Variants in ANKHD1 observed in about 807,000 individuals in gnomAD.
The protein encoded by ANKHD1 is ankyrin repeat and KH domain containing 1.
Under a neutral mutation model 230.5 loss-of-function variants are expected in ANKHD1, and 31 were observed. The ratio of observed to expected loss-of-function variants is 0.13; its 90% CI spans 0.10 to 0.18. The LOEUF (loss-of-function observed/expected upper bound fraction) is 0.18, where lower values mean the gene tolerates loss of function less well. Ranked by LOEUF, ANKHD1 falls within the 10% of genes least tolerant of loss-of-function variation. The pLI is 1.00. For synonymous variants in ANKHD1, 1,074 were observed against 1,117.6 expected (o/e 0.96, Z 0.78); for missense variants, 2,256 against 3,071.3 (o/e 0.73, Z 6.27).
At chr5:140,455,495 A>T (rs1253179986) in intron 7 of ANKHD1, among the ~76,000 whole-genome samples, 1 of 152,230 alleles carries the variant, frequency 6.6e-6, no homozygotes, top group Non-Finnish European at 1.5e-5. Context: ...ATCCAGCAGC[A>T]CATCAAAAAG....
chr5:140,523,716 A>T (rs1447253334), intron 24 of ANKHD1, among the ~76,000 whole-genome samples: 1 of 151,950 alleles, frequency 6.6e-6, no homozygotes, highest in Non-Finnish European at 1.5e-5. Context: ...CCGTGCCACC[A>T]CACCCAGTTA....
In ANKHD1 at chr5:140,485,917, T is replaced by G; in HGVS notation, c.2142+185T>G. 1.1e-6 allele frequency: 1 copy of G among 878,866 alleles called. No homozygotes were observed. The highest frequency in any genetic ancestry group is 1.7e-5 in the African/African-American group (1 of 58,230). The allele number at this position is 878,866 out of a possible 1,614,324, so 54.4% of individuals were successfully genotyped here. On this transcript the variant is annotated intron_variant, in intron 13 of 33. Transcript: ENST00000360839. The surrounding 1 kb of genome is among the most constrained non-coding windows in gnomAD (Gnocchi z 4.8). Reference sequence around the variant, plus strand: ...AGGTACACTGAAATTTGTTATTGCCTTATTTATTGAGAATAGTGGTTTTTA... The same window carrying G: ...AGGTACACTGAAATTTGTTATTGCCGTATTTATTGAGAATAGTGGTTTTTA...
chr5:140,495,629 T>G (rs1752000957), intron 14 of ANKHD1, among the ~76,000 whole-genome samples: 1 of 152,188 alleles, frequency 6.6e-6, no homozygotes, highest in South Asian at 2.1e-4. Flanking sequence ...CTTCATTTCA[T>G]GTCCAGATGT....
chr5:140,418,144 CTT>C (rs147753786), intron 1 of ANKHD1, among the ~76,000 whole-genome samples: 12 of 126,392 alleles, frequency 9.5e-5, no homozygotes, highest in Admixed American at 1.6e-4. Flanking sequence ...GTCCAGCCTT[CTT>C]TTTTTTTTTT....
chr5:140,413,101 G>A (rs1771072570), intron 1 of ANKHD1, among the ~76,000 whole-genome samples: 1 of 152,098 alleles, frequency 6.6e-6, no homozygotes, highest in African/African-American at 2.4e-5. Flanking sequence ...ATCCCTAGAG[G>A]TTACCCCTAA....
intron 1 of ANKHD1, among the ~76,000 whole-genome samples, chr5:140,410,240 G>T (rs1031580745): frequency 1.3e-5 from 2 of 152,010 alleles, no homozygotes; most frequent in South Asian, 4.1e-4. Flanking sequence ...TTACACAGAT[G>T]GTAAGATGCT....
intron 10 of ANKHD1, among the ~76,000 whole-genome samples, chr5:140,466,402 A>G (rs1776091464): frequency 6.6e-6 from 1 of 152,038 alleles, no homozygotes; most frequent in Admixed American, 6.6e-5. Context: ...CAAAAAAAAA[A>G]AAAAGAAAAA....
intron 3 of ANKHD1, among the ~76,000 whole-genome samples, chr5:140,439,379 A>C (rs915149580): frequency 6.6e-6 from 1 of 152,156 alleles, no homozygotes; most frequent in Non-Finnish European, 1.5e-5. Context: ...CATAAAATAC[A>C]AACACTAGAG....
At chr5:140,454,877 G>A (rs1160902789) in intron 7 of ANKHD1, among the ~76,000 whole-genome samples, 1 of 152,076 alleles carries the variant, frequency 6.6e-6, no homozygotes, top group Non-Finnish European at 1.5e-5. Context: ...CAGAACTAAA[G>A]GAGATAGAGA....
chr5:140,520,807 C>A, intron 24 of ANKHD1, among the ~76,000 whole-genome samples: 2 of 147,316 alleles, frequency 1.4e-5, no homozygotes, highest in Non-Finnish European at 1.5e-5. Context: ...GGAGGGATAG[C>A]ATTGGGAGAT....
At chr5:140,459,984 G>A (rs970787157) in intron 9 of ANKHD1, among the ~76,000 whole-genome samples, 6 of 151,976 alleles carry the variant, frequency 3.9e-5, no homozygotes, top group South Asian at 2.1e-4. Flanking sequence ...AAGGTATCTC[G>A]TTCACCTTCT....
At position 140,404,090 on chromosome 5, in the gene ANKHD1, T is replaced by G. The variant is rs1197822333; in HGVS notation, c.306+1817T>G. Among the ~76,000 whole-genome samples the G allele has an allele frequency of 3.9e-5, 6 of 152,112 alleles. No homozygotes were observed. In the East Asian group the frequency reaches 7.7e-4, roughly 20 times the overall value. ...AAGGGAAATAACTTCTAAGCCAAGG[T>G]GAGAGAAATGTTTTATTTGAGTAGG... is the stretch of plus-strand genomic sequence containing the variant. On this transcript the variant is annotated intron_variant, in intron 1 of 33. Coordinates refer to ENST00000360839, the MANE Select transcript of ANKHD1 (RefSeq NM_017747.3).
rs2126920991 is a variant in ANKHD1 at position 140,440,850 on chromosome 5, T to C, written c.766-145T>C. The C allele has an allele frequency of 4.8e-6, 5 of 1,045,128 alleles. No homozygotes were observed. The South Asian group carries it at 1.4e-4, about 28-fold the overall frequency. 64.7% of individuals were successfully genotyped at this position (1,045,128 alleles called of 1,614,324 possible). On this transcript the variant is annotated intron_variant, in intron 4 of 33. Transcript: ENST00000360839. ...AACCTGGCATGTTAAGCAGTGAGTA[T>C]TGGCATAATTTTTTCAAAAGGTCAT...
At chr5:140,425,602 G>A (rs145904286) in intron 1 of ANKHD1, among the ~76,000 whole-genome samples, 303 of 149,412 alleles carry the variant, frequency 2.0e-3, no homozygotes, top group African/African-American at 6.7e-3. Context: ...GTCTGAGACT[G>A]GGGGGGAATA....
At chr5:140,463,088 G>A (rs1775836025) in intron 9 of ANKHD1, among the ~76,000 whole-genome samples, 1 of 152,050 alleles carries the variant, frequency 6.6e-6, no homozygotes. Flanking sequence ...GCCTCAAGCA[G>A]TCCTCTCACT....
chr5:140,416,473 CTT>C (rs1306774137), intron 1 of ANKHD1, among the ~76,000 whole-genome samples: 19 of 152,228 alleles, frequency 1.2e-4, no homozygotes, highest in African/African-American at 4.6e-4. Context: ...ATTGAATGGC[CTT>C]GGCATCCTTG....
At chr5:140,518,259 A>C (rs1181228589) in intron 24 of ANKHD1, among the ~76,000 whole-genome samples, 3 of 152,182 alleles carry the variant, frequency 2.0e-5, no homozygotes, top group Non-Finnish European at 4.4e-5. Flanking sequence ...ATCTCTGAAT[A>C]GACCAAGAAC....
intron 1 of ANKHD1, among the ~76,000 whole-genome samples, chr5:140,406,995 A>T (rs1396574543): frequency 6.6e-6 from 1 of 151,880 alleles, no homozygotes; most frequent in African/African-American, 2.4e-5. Context: ...TAGGTTAAAA[A>T]TTTCTTAAAA....
intron 26 of ANKHD1, 58 bp from the exon 27 acceptor site, chr5:140,526,870 C>T: frequency 6.5e-7 from 1 of 1,539,172 alleles, no homozygotes; most frequent in African/African-American, 1.4e-5. Context: ...GGAATAGTCT[C>T]TTGAGTTTCT....
Sources: gnomAD v4.1 joint callset for allele counts (sites outside exome capture counted in the v4.1 genomes callset) on GRCh38, gnomAD v4.1.1 for gene constraint, Gnocchi (gnomAD v3.1) non-coding constraint, MANE v1.5 for transcripts, NCBI Gene and HGNC (gene_info 2026-07-23, HGNC 2026-07-21) for gene names.